The following RIC8B variants were observed in gnomAD, a reference collection of about 807,000 sequenced individuals.
RIC8B encodes RIC8 guanine nucleotide exchange factor B.
RIC8B carries 16 observed loss-of-function variants against 57.5 expected under a neutral mutation model. The ratio of observed to expected loss-of-function variants is 0.28; its 90% CI spans 0.19 to 0.42. The LOEUF (loss-of-function observed/expected upper bound fraction) is 0.42, where lower values mean the gene tolerates loss of function less well. RIC8B is among the 10% of genes least tolerant of loss of function. The probability of loss-of-function intolerance (pLI) is 1.00; values close to 1 mark genes in which losing one functional copy is unlikely to be tolerated. For missense variants in RIC8B, 481 were observed against 677.0 expected (o/e 0.71, Z 3.21); for synonymous variants, 216 against 250.8 (o/e 0.86, Z 1.31).
chr12:106,807,921 A>T (rs2045120014), intron 2 of RIC8B, among the ~76,000 whole-genome samples: 2 of 152,042 alleles, frequency 1.3e-5, no homozygotes, highest in African/African-American at 4.8e-5. Flanking sequence ...CCCCATCTCT[A>T]CTAAAATACA....
rs765868623 is a variant in RIC8B, at chr12:106,779,570, G to A, written c.85-4427G>A. Among the ~76,000 whole-genome samples, 41 of 150,192 alleles carry A rather than the reference G, an allele frequency of 2.7e-4. 1 individual carries two copies. In the East Asian group the frequency reaches 6.5e-3, roughly 24 times the overall value. ...TTAATCTCTAGATTACTTATAATAC[G>A]TAATACAATGTGAATGGTATACAAA... On this transcript the variant is annotated intron_variant, in intron 1 of 9. Coordinates refer to ENST00000392837, the MANE Select transcript of RIC8B (RefSeq NM_001330145.2).
chr12:106,886,628 C>T lies in RIC8B; in HGVS notation c.*613C>T, dbSNP rs1300558507. 1 of 152,646 alleles carries T rather than the reference C, an allele frequency of 6.6e-6. No individual in the cohort carries two copies. Among genetic ancestry groups the T allele is most frequent in the Non-Finnish European group, 1.5e-5 (1 of 68,074 alleles). 9.5% of individuals were successfully genotyped at this position (152,646 alleles called of 1,614,324 possible). A position where few individuals can be genotyped will look rare whatever the true frequency, so the allele number is the denominator to read the frequency against. The stretch of plus-strand genomic sequence containing the variant: ...GTCAGTTAGCTAAAACTTCAGAATA[C>T]ATTTCTCCCTATAAAGAGTTATAAA... On this transcript the variant is annotated 3_prime_UTR_variant, in exon 10 of 10. Coordinates refer to ENST00000392837, the MANE Select transcript of RIC8B (RefSeq NM_001330145.2).
rs1951174038 is a variant in RIC8B, at chr12:106,886,072, C to T, written c.*57C>T. ...TTATCAGCATCTTTTCTCTGTAGCT[C>T]CAGGGGAATCTTTTCTCTAAAACAT... On this transcript the variant is annotated 3_prime_UTR_variant, in exon 10 of 10. Coordinates refer to ENST00000392837, the MANE Select transcript of RIC8B (RefSeq NM_001330145.2). The T allele has an allele frequency of 8.4e-7, 1 of 1,196,916 alleles. No individual in the cohort carries two copies. Among genetic ancestry groups the T allele is most frequent in the Non-Finnish European group, 1.2e-6 (1 of 808,012 alleles). 74.1% of individuals were successfully genotyped at this position (1,196,916 alleles called of 1,614,324 possible).
intron 9 of RIC8B, among the ~76,000 whole-genome samples, chr12:106,878,161 C>G (rs79471008): frequency 1.3e-5 from 2 of 152,132 alleles, no homozygotes; most frequent in Non-Finnish European, 2.9e-5. Flanking sequence ...ACCACTCATT[C>G]CTACCAAGTT....
At chr12:106,861,769 T>C (rs2731359) in intron 8 of RIC8B, among the ~76,000 whole-genome samples, 100,552 of 151,912 alleles carry the variant, frequency 0.66, 34,865 homozygotes, top group African/African-American at 0.88. Context: ...TTGATTTGAG[T>C]CATTAAAATA....
At chr12:106,805,178 C>G (rs1219469530) in intron 2 of RIC8B, among the ~76,000 whole-genome samples, 2 of 152,158 alleles carry the variant, frequency 1.3e-5, no homozygotes. Flanking sequence ...GCAACATTTT[C>G]TTTTTGCTGC....
At chr12:106,859,412 T>C (rs1196555449) in intron 7 of RIC8B, among the ~76,000 whole-genome samples, 1 of 152,098 alleles carries the variant, frequency 6.6e-6, no homozygotes, top group Non-Finnish European at 1.5e-5. Flanking sequence ...GATAATACTT[T>C]CAGAGAGCCT....
chr12:106,818,844 G>A (rs2045708150), intron 3 of RIC8B, among the ~76,000 whole-genome samples: 2 of 152,134 alleles, frequency 1.3e-5, no homozygotes, highest in South Asian at 4.2e-4. Flanking sequence ...TTGGCTCACG[G>A]CAACCTCTGC....
chr12:106,873,065 T>C, intron 9 of RIC8B: 1 of 985,350 alleles, frequency 1.0e-6, no homozygotes. Context: ...TGCCAACAAA[T>C]AAATATACAA....
Position 106,855,738 on chromosome 12 carries a change from C to T in RIC8B, c.1306+4144C>T, listed in dbSNP as rs553206797. 2.0e-5 allele frequency among the ~76,000 whole-genome samples: 3 copies of T among 152,138 alleles called. No individual in the cohort carries two copies. The South Asian group carries it at 6.2e-4, about 32-fold the overall frequency. On this transcript the variant is annotated intron_variant, in intron 7 of 9. Transcript: ENST00000392837. ...TGTTCCCTAAAGTAATCTTTTGGTC[C>T]CAATCCTCACTTCACATTGCTCCCT... is the stretch of plus-strand genomic sequence containing the variant.
intron 7 of RIC8B, among the ~76,000 whole-genome samples, chr12:106,859,906 C>G (rs1027676462): frequency 2.6e-5 from 4 of 152,132 alleles, no homozygotes; most frequent in Non-Finnish European, 5.9e-5. Context: ...GACTTTCACT[C>G]TCTCTAGTTT....
chr12:106,866,825 TCTAA>T (rs1403348180), intron 8 of RIC8B, among the ~76,000 whole-genome samples: 2 of 152,222 alleles, frequency 1.3e-5, no homozygotes, highest in Non-Finnish European at 2.9e-5. Context: ...AATCTTGATT[TCTAA>T]CTTCTTTTGA....
chr12:106,885,854 G>A (rs1317779998), intron 9 of RIC8B, 50 bp from the exon 10 acceptor site: 1 of 1,215,494 alleles, frequency 8.2e-7, no homozygotes, highest in Non-Finnish European at 1.2e-6. Flanking sequence ...GGGTGTGTGT[G>A]TGATGCTGGT....
At chr12:106,849,888 A>T (rs1042853954) in intron 6 of RIC8B, among the ~76,000 whole-genome samples, 3 of 152,206 alleles carry the variant, frequency 2.0e-5, no homozygotes, top group Admixed American at 2.0e-4. Flanking sequence ...AATTTCTGTG[A>T]TTAAAGAAAG....
intron 2 of RIC8B, among the ~76,000 whole-genome samples, chr12:106,793,334 A>G (rs1160898456): frequency 6.6e-6 from 1 of 152,206 alleles, no homozygotes; most frequent in Non-Finnish European, 1.5e-5. Flanking sequence ...AGCCTTATAA[A>G]AGAGAGTGCT....
At chr12:106,850,720 T>TA (rs1949434315) in intron 6 of RIC8B, among the ~76,000 whole-genome samples, 2 of 152,264 alleles carry the variant, frequency 1.3e-5, no homozygotes, top group South Asian at 4.1e-4. Context: ...TAGAAAGTAC[T>TA]AAAAAATTAA....
chr12:106,826,088 C>G (rs1002118226), intron 4 of RIC8B, among the ~76,000 whole-genome samples: 1 of 152,146 alleles, frequency 6.6e-6, no homozygotes, highest in South Asian at 2.1e-4. Context: ...AGTTACTGTT[C>G]TTGGTTTTAT....
At chr12:106,808,471 C>A (rs2045167664) in intron 2 of RIC8B, among the ~76,000 whole-genome samples, 1 of 152,182 alleles carries the variant, frequency 6.6e-6, no homozygotes, top group Admixed American at 6.5e-5. Flanking sequence ...AACAGTGCTT[C>A]TCAAATTATT....
At chr12:106,842,499 A>T in intron 4 of RIC8B, 90 bp from the exon 5 acceptor site, 1 of 1,043,048 alleles carries the variant, frequency 9.6e-7, no homozygotes, top group Middle Eastern at 2.4e-4. Flanking sequence ...ATTGACTCTT[A>T]AAAGTCACTT....
Sources: allele counts gnomAD v4.1 joint callset (sites outside exome capture counted in the v4.1 genomes callset), GRCh38; gene constraint gnomAD v4.1.1; transcripts MANE v1.5; gene names NCBI Gene and HGNC (gene_info 2026-07-23, HGNC 2026-07-21).